IMPDH2: variants seen among roughly 807,000 people sequenced by gnomAD.
IMPDH2 encodes inosine-5'-monophosphate dehydrogenase 2.
In IMPDH2, 33 loss-of-function variants were observed where a neutral mutation model predicts 57.8. The observed-to-expected ratio is 0.57, with a 90% CI of 0.43 to 0.76. The LOEUF is 0.76. Among genes scored for constraint, IMPDH2 ranks in the 30% least tolerant of loss-of-function variants. The pLI is 0.00. For synonymous variants in IMPDH2, 270 were observed against 241.3 expected (o/e 1.12, Z -1.10); for missense variants, 446 against 659.1 (o/e 0.68, Z 3.54).
In IMPDH2 at chr3:49,024,528, G is replaced by C. The variant is rs1458784830; in HGVS notation, c.1490C>G (p.Ala497Gly). The C allele has an allele frequency of 6.2e-7, 1 of 1,614,174 alleles. No homozygotes were observed. Among genetic ancestry groups the C allele is most frequent in the Non-Finnish European group, 8.5e-7 (1 of 1,180,028 alleles). ...ELKFEKRTSS[A>G]QVEGGVHSLH... ...GCTATGGACGCCACCTTCCACCTGG[G>C]CTGAGGACGTTCTCTTCTCAAACTT... is the stretch of plus-strand genomic sequence containing the variant. The change falls in exon 13 of 14, where the codon GCC becomes GGC. Residue 497 changes from alanine (A) to glycine (G), a missense_variant. Physicochemically the swap from Ala to Gly is moderately conservative, Grantham distance 60. Transcript: ENST00000326739.
chr3:49,024,325 T>A lies in IMPDH2; in HGVS notation c.*58A>T, dbSNP rs947527975. On this transcript the variant is annotated 3_prime_UTR_variant, in exon 14 of 14. Coordinates refer to ENST00000326739, the MANE Select transcript of IMPDH2 (RefSeq NM_000884.3). The stretch of plus-strand genomic sequence containing the variant: ...TGTCTGTTGAAAGATCAGGCATCAC[T>A]TTTTTCTTTCTAAACTTTTATTGAA... The A allele has an allele frequency of 6.3e-7, 1 of 1,595,208 alleles. No homozygotes were observed. Among genetic ancestry groups the A allele is most frequent in the Non-Finnish European group, 8.6e-7 (1 of 1,164,030 alleles).
At chr3:49,028,937 G>A (rs745687960) in intron 1 of IMPDH2, 131 bp from the exon 2 acceptor site, 6 of 784,344 alleles carry the variant, frequency 7.6e-6, no homozygotes, top group South Asian at 1.5e-5. Context: ...GTGTGTCACA[G>A]GCACAGCACA....
chr3:49,024,837 A>G (rs1157864800), intron 11 of IMPDH2, 35 bp from the exon 12 acceptor site: 2 of 1,614,038 alleles, frequency 1.2e-6, no homozygotes, highest in Non-Finnish European at 1.7e-6. Context: ...GCAAGGTCAC[A>G]GCAGAGATGA....
chr3:49,025,251 G>A lies in IMPDH2; in HGVS notation c.1025C>T (p.Pro342Leu). 6.2e-7 allele frequency: 1 copy of A among 1,614,222 alleles called. No individual in the cohort carries two copies. The highest frequency in any genetic ancestry group is 8.5e-7 in the Non-Finnish European group (1 of 1,180,036). Residue 342 changes from proline (P) to leucine (L), a missense_variant, in exon 10 of 14, where the codon CCC becomes CTC. Coordinates refer to ENST00000326739, the MANE Select transcript of IMPDH2 (RefSeq NM_000884.3). ...ITQEVLACGR[P>L]QATAVYKVSE... ...CACCTTGTACACTGCTGTTGCTTGG[G>A]GCCGCCCACAGGCCAGCACTGTTGA...
Position 49,028,228 on chromosome 3 carries a change from A to G in IMPDH2, c.324+20T>C. On this transcript the variant is annotated intron_variant, in intron 4 of 13. Coordinates refer to ENST00000326739, the MANE Select transcript of IMPDH2 (RefSeq NM_000884.3). ...GTGCAATTCCCAGGAGCGCTTGCTA[A>G]TGATCGTTGCCCTTCTGACCTTCAC... 6.2e-7 allele frequency: 1 copy of G among 1,606,562 alleles called. No homozygotes were observed. The highest frequency in any genetic ancestry group is 8.5e-7 in the Non-Finnish European group (1 of 1,173,142).
In IMPDH2 at chr3:49,026,530, A is replaced by G. The variant is rs145018320; in HGVS notation, c.899T>C (p.Ile300Thr). 54 of 1,613,398 alleles carry G rather than the reference A, an allele frequency of 3.3e-5. No individual in the cohort carries two copies. The highest frequency in any genetic ancestry group is 4.5e-5 in the East Asian group (2 of 44,892). Residue 300 changes from isoleucine to threonine, a missense_variant, in exon 8 of 14, where the codon ATT becomes ACT. By Grantham distance (89) the Ile-to-Thr change is moderately conservative (BLOSUM62 -1). Coordinates refer to ENST00000326739, the MANE Select transcript of IMPDH2 (RefSeq NM_000884.3). ...CAATCTTGCCTTACCATTGCCTCCA[A>G]TGACTTGGAGATTAGGGTATTTGTC... The part of the protein sequence containing the change: ...IKDKYPNLQV[I>T]GGNVVTAAQA...
chr3:49,025,457 C>T (rs548188231), intron 9 of IMPDH2, 188 bp from the exon 10 acceptor site: 1 of 631,774 alleles, frequency 1.6e-6, no homozygotes, highest in Non-Finnish European at 2.8e-6. Context: ...GCTGTGCTGA[C>T]CTCTACTCAC....
intron 1 of IMPDH2, chr3:49,029,052 G>A: frequency 4.7e-6 from 3 of 644,660 alleles, no homozygotes; most frequent in Non-Finnish European, 2.8e-6. Flanking sequence ...TCCGGCCTGA[G>A]ATTCCAAGCA....
At chr3:49,027,986 T>C (rs980876763) in intron 4 of IMPDH2, 70 bp from the exon 5 acceptor site, 20 of 1,192,438 alleles carry the variant, frequency 1.7e-5, no homozygotes, top group Non-Finnish European at 2.3e-5. Context: ...ATCTGAAGCA[T>C]GGGGTCTCTG....
chr3:49,028,027 C>G, intron 4 of IMPDH2, 111 bp from the exon 5 acceptor site: 1 of 870,618 alleles, frequency 1.1e-6, no homozygotes, highest in Non-Finnish European at 1.9e-6. Flanking sequence ...TGCCACAAGA[C>G]CAAATCACAC....
chr3:49,026,798 G>A lies in IMPDH2; in HGVS notation c.708C>T (p.Ala236=), dbSNP rs1575310226. The change falls in exon 7 of 14, where the codon GCC becomes GCT. Residue 236 remains alanine, a synonymous_variant. Coordinates refer to ENST00000326739, the MANE Select transcript of IMPDH2 (RefSeq NM_000884.3). ...DLKKNRDYPL[A]SKDAKKQLLC... The stretch of plus-strand genomic sequence containing the variant: ...GCAGCTGTTTCTTGGCATCTTTGGA[G>A]GCTAGTGGGTAGTCCCGATTCTTCT... 7 of 1,614,220 alleles carry A rather than the reference G, an allele frequency of 4.3e-6. No homozygotes were observed. Among genetic ancestry groups the A allele is most frequent in the Middle Eastern group, 1.6e-4 (1 of 6,062 alleles).
Position 49,027,039 on chromosome 3 carries a change from T to C in IMPDH2, c.540A>G (p.Thr180=). 1 of 1,612,346 alleles carries C rather than the reference T, an allele frequency of 6.2e-7. No homozygotes were observed. ...GGGCTACCACCAAGTCTTCCCTCTT[T>C]GTCATTATCTACGTGGGAGGTGAGA... ...EHDCFLEEIM[T]KREDLVVAPA... The change falls in exon 6 of 14, where the codon ACA becomes ACG. Residue 180 remains threonine, a synonymous_variant. Transcript: ENST00000326739.
intron 1 of IMPDH2, 42 bp downstream of exon 1, chr3:49,029,211 G>T: frequency 6.8e-7 from 1 of 1,478,418 alleles, no homozygotes; most frequent in Non-Finnish European, 9.3e-7. Context: ...TCCCCAGGGT[G>T]CCGCCCCTCT....
chr3:49,024,955 G>A lies in IMPDH2; in HGVS notation c.1236C>T (p.Arg412=), dbSNP rs1379245330. ...CCATGGCATCGAGAGAACCCATACC[G>A]CGATATTTCTTTAGCCGGATCCCAT... ...FSDGIRLKKY[R]GMGSLDAMDK... Residue 412 remains arginine (R), a synonymous_variant, in exon 11 of 14, where the codon CGC becomes CGT. Transcript: ENST00000326739. 6 of 1,614,056 alleles carry A rather than the reference G, an allele frequency of 3.7e-6. No homozygotes were observed. The highest frequency in any genetic ancestry group is 3.3e-5 in the South Asian group (3 of 91,092).
intron 4 of IMPDH2, 131 bp downstream of exon 4, chr3:49,028,117 A>G: frequency 2.3e-6 from 2 of 863,820 alleles, no homozygotes; most frequent in Non-Finnish European, 3.8e-6. Flanking sequence ...ACAGAATCTC[A>G]GGGTCTTCTC....
intron 1 of IMPDH2, 96 bp downstream of exon 1, chr3:49,029,157 C>T: frequency 3.0e-6 from 3 of 1,008,022 alleles, no homozygotes; most frequent in Non-Finnish European, 4.5e-6. Flanking sequence ...CTGTCCCCCA[C>T]GCCCACGCCC....
At chr3:49,024,628 C>G (rs1367102827) in intron 12 of IMPDH2, 31 bp downstream of exon 12, 3 of 1,614,256 alleles carry the variant, frequency 1.9e-6, no homozygotes, top group Non-Finnish European at 2.5e-6. Context: ...GGACCAGCCC[C>G]TCTACCCATG....
At chr3:49,027,574 A>G (rs1015758259) in intron 5 of IMPDH2, 136 bp downstream of exon 5, 4 of 729,152 alleles carry the variant, frequency 5.5e-6, no homozygotes, top group Admixed American at 2.4e-5. Flanking sequence ...CAGGAACCCA[A>G]TAAAGGAGTC....
intron 10 of IMPDH2, 22 bp downstream of exon 10, chr3:49,025,104 C>T: frequency 6.2e-7 from 1 of 1,614,236 alleles, no homozygotes; most frequent in East Asian, 2.2e-5. Flanking sequence ...TCCCACTGGC[C>T]TTCACGGGTA....
Sources: gnomAD v4.1 joint callset for allele counts on GRCh38, gnomAD v4.1.1 for gene constraint, MANE v1.5 for transcripts, NCBI Gene and HGNC (gene_info 2026-07-23, HGNC 2026-07-21) for gene names.